DUS4L: variants seen among roughly 807,000 people sequenced by gnomAD.
DUS4L encodes the protein dihydrouridine synthase 4 like.
DUS4L carries 31 observed loss-of-function variants against 33.8 expected under a neutral mutation model. That is an observed-to-expected ratio of 0.92 (90% CI 0.69 to 1.24). DUS4L has a LOEUF of 1.24. DUS4L is among the 50% of genes most tolerant of loss of function. The pLI is 0.00. For missense variants in DUS4L, 368 were observed against 388.6 expected, an observed-to-expected ratio of 0.95 and a Z score of 0.45; for synonymous variants, 103 against 120.3, an observed-to-expected ratio of 0.86 and a Z score of 0.94.
At position 107,564,690 on chromosome 7, in the gene DUS4L, G is replaced by C. The variant is rs921535252; in HGVS notation, c.-22+14G>C. On this transcript the variant is annotated intron_variant, in intron 2 of 7. Transcript: ENST00000265720. ...TAAGAGCATCAGGTTGGTTCCCATT[G>C]TATCTTCTTTACTAATACGTTCGCG... is the stretch of plus-strand genomic sequence containing the variant. 5.3e-5 allele frequency: 8 copies of C among 152,122 alleles called. No individual in the cohort carries two copies. The highest frequency in any genetic ancestry group is 1.9e-4 in the African/African-American group (8 of 41,412). The allele number at this position is 152,122 out of a possible 1,614,324, so 9.4% of individuals were successfully genotyped here. A position where few individuals can be genotyped will look rare whatever the true frequency, so the allele number is the denominator to read the frequency against.
rs955741573 is a variant in DUS4L at position 107,577,178 on chromosome 7, CAT to C, written c.707-132_707-131del. The stretch of plus-strand genomic sequence containing the variant: ...TTAATTCTTTTGTAATCGGATTAAA[CAT>C]ATTAATGCAATAAAGACATTACAAA... On this transcript the variant is annotated intron_variant, in intron 7 of 7. Transcript: ENST00000265720. The C allele has an allele frequency of 3.3e-6, 4 of 1,225,894 alleles. No homozygotes were observed. In the African/African-American group the frequency reaches 4.6e-5, roughly 14 times the overall value. 75.9% of individuals were successfully genotyped at this position (1,225,894 alleles called of 1,614,324 possible).
chr7:107,573,293 A>G (rs576872146), intron 4 of DUS4L, among the ~76,000 whole-genome samples: 24 of 152,336 alleles, frequency 1.6e-4, no homozygotes, highest in African/African-American at 5.8e-4. Context: ...TCCCACTATA[A>G]AGAAGAAAAT....
intron 2 of DUS4L, among the ~76,000 whole-genome samples, chr7:107,565,773 CCTTGGCCTCCCAA>C (rs1804612702): frequency 6.6e-6 from 1 of 152,166 alleles, no homozygotes; most frequent in African/African-American, 2.4e-5. Context: ...AAGCCTCCCA[CCTTGGCCTCCCAA>C]AATGCTGAGT....
intron 3 of DUS4L, among the ~76,000 whole-genome samples, chr7:107,569,179 G>C (rs560307897): frequency 1.3e-5 from 2 of 152,208 alleles, no homozygotes; most frequent in South Asian, 4.1e-4. Context: ...CTCCAGCCTG[G>C]GCAACAAGAG....
chr7:107,569,098 G>A (rs1006465634), intron 3 of DUS4L, among the ~76,000 whole-genome samples: 2 of 152,238 alleles, frequency 1.3e-5, no homozygotes, highest in African/African-American at 4.8e-5. Context: ...CAGCTGCTGG[G>A]AGGCTGAGGC....
At position 107,567,055 on chromosome 7, in the gene DUS4L, A is replaced by G; in HGVS notation, c.-16A>G. 1 of 1,589,890 alleles carries G rather than the reference A, an allele frequency of 6.3e-7. No individual in the cohort carries two copies. Among genetic ancestry groups the G allele is most frequent in the Non-Finnish European group, 8.6e-7 (1 of 1,163,336 alleles). Reference sequence around the variant, plus strand: ...AAGCTTATTGTCTTTTTCAGATTTGAAACATATCTGTATTAATGAAGAGTG... The same window carrying G: ...AAGCTTATTGTCTTTTTCAGATTTGGAACATATCTGTATTAATGAAGAGTG... On this transcript the variant is annotated 5_prime_UTR_variant, in exon 3 of 8. Transcript: ENST00000265720.
In DUS4L at chr7:107,564,144, G is replaced by A. The variant is rs747709740; in HGVS notation, c.-176G>A. Reference sequence around the variant, plus strand: ...CAAGGCCGTCGGGCCGGCGCTTTCAGCTGTCTCTCGCAGCAGCTCAGGGCC... The same window carrying A: ...CAAGGCCGTCGGGCCGGCGCTTTCAACTGTCTCTCGCAGCAGCTCAGGGCC... On this transcript the variant is annotated 5_prime_UTR_variant, in exon 1 of 8. Transcript: ENST00000265720. The A allele has an allele frequency of 1.5e-4, 116 of 785,104 alleles. No individual in the cohort carries two copies. Among genetic ancestry groups the A allele is most frequent in the Non-Finnish European group, 2.2e-4 (111 of 494,724 alleles). 48.6% of individuals were successfully genotyped at this position (785,104 alleles called of 1,614,324 possible).
rs1333604270 is a variant in DUS4L at position 107,564,054 on chromosome 7, G to T, written c.-266G>T. 2 of 1,456,952 alleles carry T rather than the reference G, an allele frequency of 1.4e-6. No homozygotes were observed. The highest frequency in any genetic ancestry group is 2.9e-5 in the African/African-American group (2 of 70,032). 90.3% of individuals were successfully genotyped at this position (1,456,952 alleles called of 1,614,324 possible). On this transcript the variant is annotated 5_prime_UTR_variant, in exon 1 of 8. Coordinates refer to ENST00000265720, the MANE Select transcript of DUS4L (RefSeq NM_181581.3). ...CCTGGGCTAAGCCTGGCTAGGAGCC[G>T]CGCAGGTACTCGAGCAGTGGGCGCC...
Position 107,564,099 on chromosome 7 carries a change from GCCCAGCGCA to G in DUS4L, c.-218_-210del. The G allele has an allele frequency of 8.0e-7, 1 of 1,250,440 alleles. No individual in the cohort carries two copies. The highest frequency in any genetic ancestry group is 1.1e-6 in the Non-Finnish European group (1 of 894,560). The allele number at this position is 1,250,440 out of a possible 1,614,324, so 77.5% of individuals were successfully genotyped here. ...GGCGCCCAGGGTCCGAGTGCTCTGCGCCCAGCGCACCGAGGGAGCCAAGGCCGTCGGGCC... is the reference window on the plus strand; with the variant it reads ...GGCGCCCAGGGTCCGAGTGCTCTGCGCCGAGGGAGCCAAGGCCGTCGGGCC... On this transcript the variant is annotated 5_prime_UTR_variant, in exon 1 of 8. Transcript: ENST00000265720.
intron 3 of DUS4L, among the ~76,000 whole-genome samples, chr7:107,568,197 A>G (rs772412731): frequency 1.3e-5 from 2 of 152,144 alleles, no homozygotes; most frequent in Non-Finnish European, 2.9e-5. Flanking sequence ...TTGACTATGT[A>G]CCCAGATGTA....
chr7:107,564,910 T>C (rs190439159), intron 2 of DUS4L, among the ~76,000 whole-genome samples: 2 of 150,916 alleles, frequency 1.3e-5, no homozygotes, highest in East Asian at 3.9e-4. Context: ...TTCTACATTC[T>C]GTTTCAAAAA....
At chr7:107,566,779 A>G (rs1288757121) in intron 2 of DUS4L, among the ~76,000 whole-genome samples, 1 of 149,926 alleles carries the variant, frequency 6.7e-6, no homozygotes, top group African/African-American at 2.4e-5. Flanking sequence ...AACTTACAAC[A>G]TGGTAAACTA....
At chr7:107,572,966 A>C (rs964041238) in intron 4 of DUS4L, among the ~76,000 whole-genome samples, 1 of 152,204 alleles carries the variant, frequency 6.6e-6, no homozygotes, top group Non-Finnish European at 1.5e-5. Context: ...TTATTAAAAA[A>C]ATTACAAATA....
chr7:107,567,200 A>C lies in DUS4L; in HGVS notation c.116+14A>C. 1.2e-6 allele frequency: 2 copies of C among 1,603,778 alleles called. No homozygotes were observed. The highest frequency in any genetic ancestry group is 1.7e-6 in the Non-Finnish European group (2 of 1,172,394). On this transcript the variant is annotated intron_variant, in intron 3 of 7. Transcript: ENST00000265720. ...TCGATATTCAAAGTAAGTGTTGCAA[A>C]ATGATTAATGAACTAAGATGAAATT... is the stretch of plus-strand genomic sequence containing the variant.
Position 107,564,146 on chromosome 7 carries a change from T to C in DUS4L, c.-174T>C, listed in dbSNP as rs922473860. The C allele has an allele frequency of 2.0e-5, 16 of 783,174 alleles. No individual in the cohort carries two copies. The African/African-American group carries it at 2.6e-4, about 13-fold the overall frequency. The allele number at this position is 783,174 out of a possible 1,614,324, so 48.5% of individuals were successfully genotyped here. A position where few individuals can be genotyped will look rare whatever the true frequency, so the allele number is the denominator to read the frequency against. On this transcript the variant is annotated 5_prime_UTR_variant, in exon 1 of 8. Coordinates refer to ENST00000265720, the MANE Select transcript of DUS4L (RefSeq NM_181581.3). Reference sequence around the variant, plus strand: ...AGGCCGTCGGGCCGGCGCTTTCAGCTGTCTCTCGCAGCAGCTCAGGGCCGC... The same window carrying C: ...AGGCCGTCGGGCCGGCGCTTTCAGCCGTCTCTCGCAGCAGCTCAGGGCCGC...
intron 1 of DUS4L, 119 bp downstream of exon 1, chr7:107,564,328 C>T (rs1214335243): frequency 7.7e-6 from 3 of 387,998 alleles, no homozygotes; most frequent in Non-Finnish European, 1.4e-5. Context: ...CTTCGTTTGC[C>T]CTCCACACTC....
At chr7:107,576,764 AACATGGATTAT>A in intron 7 of DUS4L, 172 bp downstream of exon 7, 1 of 589,816 alleles carries the variant, frequency 1.7e-6, no homozygotes, top group Non-Finnish European at 2.8e-6. Context: ...TACCTAGAAA[AACATGGATTAT>A]CTTAACTGGG....
In DUS4L at chr7:107,576,502, A is replaced by G. The variant is rs1361266493; in HGVS notation, c.616A>G (p.Lys206Glu). Residue 206 changes from lysine (K) to glutamate (E), a missense_variant, in exon 7 of 8, where the codon AAG becomes GAG. Transcript: ENST00000265720. The part of the protein sequence containing the change: ...PVHYDSIKII[K>E]ENMSIPVIAN... ...GCACTATGATTCCATTAAAATAATT[A>G]AGGAAAATATGTCTATACCTGTAAT... 6.2e-7 allele frequency: 1 copy of G among 1,610,252 alleles called. No individual in the cohort carries two copies. Among genetic ancestry groups the G allele is most frequent in the South Asian group, 1.1e-5 (1 of 89,914 alleles).
chr7:107,575,488 G>C, intron 6 of DUS4L, 178 bp downstream of exon 6: 9 of 612,974 alleles, frequency 1.5e-5, no homozygotes, highest in Non-Finnish European at 2.2e-5. Flanking sequence ...TTCATTTATA[G>C]TCCTGAAAAA....
Sources: allele counts gnomAD v4.1 joint callset (sites outside exome capture counted in the v4.1 genomes callset), GRCh38; gene constraint gnomAD v4.1.1; transcripts MANE v1.5; gene names NCBI Gene and HGNC (gene_info 2026-07-23, HGNC 2026-07-21).